The following CRTC1 variants were observed in gnomAD, a reference collection of about 807,000 sequenced individuals.
CRTC1 encodes CREB-regulated transcription coactivator 1.
Under a neutral mutation model 66.1 loss-of-function variants are expected in CRTC1, and 18 were observed. That is an observed-to-expected ratio of 0.27 (90% confidence interval 0.19 to 0.40). The LOEUF is 0.40. CRTC1 is among the 10% of genes least tolerant of loss of function. CRTC1 has a pLI of 1.00. For synonymous variants in CRTC1, 416 were observed against 398.8 expected (o/e 1.04, Z -0.51); for missense variants, 669 against 887.9 (o/e 0.75, Z 3.13).
chr19:18,744,895 T>C (rs2054196725), intron 2 of CRTC1, among the ~76,000 whole-genome samples: 1 of 152,172 alleles, frequency 6.6e-6, no homozygotes, highest in Non-Finnish European at 1.5e-5. Flanking sequence ...ATCCTAGCCA[T>C]GGACAGGCTT....
chr19:18,778,203 C>G lies in CRTC1; in HGVS notation c.*821C>G, dbSNP rs1353726447. 4.3e-6 allele frequency: 1 copy of G among 232,940 alleles called. No individual in the cohort carries two copies. Among genetic ancestry groups the G allele is most frequent in the Non-Finnish European group, 8.5e-6 (1 of 117,924 alleles). 14.4% of individuals were successfully genotyped at this position (232,940 alleles called of 1,614,324 possible). A position where few individuals can be genotyped will look rare whatever the true frequency, so the allele number is the denominator to read the frequency against. Reference sequence around the variant, plus strand: ...TGGGGCTTTACAATCCGTGGCCCCTCCTGTCCTGCACTGTGGTCACCGGTC... The same window carrying G: ...TGGGGCTTTACAATCCGTGGCCCCTGCTGTCCTGCACTGTGGTCACCGGTC... On this transcript the variant is annotated 3_prime_UTR_variant, in exon 14 of 14. Coordinates refer to ENST00000321949, the MANE Select transcript of CRTC1 (RefSeq NM_015321.3).
chr19:18,693,091 A>AG (rs951814690), intron 1 of CRTC1, among the ~76,000 whole-genome samples: 15 of 149,792 alleles, frequency 1.0e-4, no homozygotes, highest in African/African-American at 3.4e-4. Context: ...AAAAAAAAAA[A>AG]AAAGAAATTC....
intron 1 of CRTC1, among the ~76,000 whole-genome samples, chr19:18,739,493 C>T (rs988636184): frequency 1.3e-4 from 20 of 152,234 alleles, no homozygotes; most frequent in Admixed American, 1.2e-3. Context: ...GGTGCAGCAG[C>T]GTCCATTCAT....
At chr19:18,740,470 T>C (rs2145718605) in intron 1 of CRTC1, among the ~76,000 whole-genome samples, 1 of 152,288 alleles carries the variant, frequency 6.6e-6, no homozygotes, top group South Asian at 2.1e-4. Flanking sequence ...AACCTGTCTC[T>C]AGTCCCTCCA....
rs769959420 is a variant in CRTC1, at chr19:18,777,445, C to G, written c.*63C>G. The stretch of plus-strand genomic sequence containing the variant: ...CGGCGCCTCCCCAGCCCGGGGACGG[C>G]CGTGCTCCGTCCCTCGCCAACGGCC... On this transcript the variant is annotated 3_prime_UTR_variant, in exon 14 of 14. Transcript: ENST00000321949. This position sits in a 1 kb window ranked among gnomAD's most constrained non-coding sequence, Gnocchi z 5.5. 1 of 1,433,858 alleles carries G rather than the reference C, an allele frequency of 7.0e-7. No homozygotes were observed. The highest frequency in any genetic ancestry group is 1.7e-5 in the Admixed American group (1 of 59,462). The allele number at this position is 1,433,858 out of a possible 1,614,324, so 88.8% of individuals were successfully genotyped here. A position where few individuals can be genotyped will look rare whatever the true frequency, so the allele number is the denominator to read the frequency against.
At chr19:18,743,872 G>GCACC (rs1008368825) in intron 2 of CRTC1, among the ~76,000 whole-genome samples, 12 of 152,210 alleles carry the variant, frequency 7.9e-5, no homozygotes, top group Non-Finnish European at 1.8e-4. Context: ...TCCTGGCCAG[G>GCACC]TTTTCTCCCC....
chr19:18,726,118 G>T (rs911396723), intron 1 of CRTC1, among the ~76,000 whole-genome samples: 3 of 152,362 alleles, frequency 2.0e-5, no homozygotes, highest in Non-Finnish European at 4.4e-5. Flanking sequence ...ACATCTTTGC[G>T]CATAAATCTG....
chr19:18,762,398 C>A (rs1042103634), intron 8 of CRTC1, among the ~76,000 whole-genome samples: 8 of 152,224 alleles, frequency 5.3e-5, no homozygotes, highest in Non-Finnish European at 1.0e-4. Flanking sequence ...TTCTGGACGC[C>A]TTTTAAATCA....
At chr19:18,714,453 G>A (rs1181140569) in intron 1 of CRTC1, among the ~76,000 whole-genome samples, 2 of 152,152 alleles carry the variant, frequency 1.3e-5, no homozygotes, top group Middle Eastern at 3.4e-3. Context: ...GATTACAGGT[G>A]TGCACCACCA....
At chr19:18,764,030 C>T (rs2145822674) in intron 8 of CRTC1, among the ~76,000 whole-genome samples, 1 of 152,288 alleles carries the variant, frequency 6.6e-6, no homozygotes, top group East Asian at 1.9e-4. Context: ...CAGTCAACAG[C>T]ACCAGGCTTC....
rs1210257766 is a variant in CRTC1 at position 18,771,613 on chromosome 19, C to A, written c.1425+67C>A. ...TTGTCTTGTTCATGCCCCGTGTGTT[C>A]CCTGCCCACTGTCTGTCCTCATGCA... On this transcript the variant is annotated intron_variant, in intron 11 of 13. Coordinates refer to ENST00000321949, the MANE Select transcript of CRTC1 (RefSeq NM_015321.3). This position sits in a 1 kb window ranked among gnomAD's most constrained non-coding sequence, Gnocchi z 4.6. 5.7e-6 allele frequency: 7 copies of A among 1,218,016 alleles called. No homozygotes were observed. The East Asian group carries it at 1.5e-4, about 26-fold the overall frequency. 75.5% of individuals were successfully genotyped at this position (1,218,016 alleles called of 1,614,324 possible).
At chr19:18,703,566 G>A (rs1436027829) in intron 1 of CRTC1, among the ~76,000 whole-genome samples, 2 of 151,994 alleles carry the variant, frequency 1.3e-5, no homozygotes, top group Non-Finnish European at 2.9e-5. Context: ...AGGTTCAAGC[G>A]ATTCTGGTGT....
At chr19:18,722,773 C>T (rs1376147162) in intron 1 of CRTC1, among the ~76,000 whole-genome samples, 1 of 152,160 alleles carries the variant, frequency 6.6e-6, no homozygotes, top group African/African-American at 2.4e-5. Flanking sequence ...TAGTCACTCC[C>T]CATTTCCACT....
intron 1 of CRTC1, among the ~76,000 whole-genome samples, chr19:18,722,282 A>C (rs546493431): frequency 5.3e-5 from 8 of 152,336 alleles, no homozygotes; most frequent in African/African-American, 1.9e-4. Flanking sequence ...GGCCACAGGC[A>C]TGCCAGGTGC....
Position 18,766,804 on chromosome 19 carries a change from A to G in CRTC1, c.1011+1276A>G, listed in dbSNP as rs942077549. Among the ~76,000 whole-genome samples the G allele has an allele frequency of 3.5e-4, 54 of 152,142 alleles. 2 individuals carry two copies. The highest frequency in any genetic ancestry group is 1.3e-4 in the Admixed American group (2 of 15,270). On this transcript the variant is annotated intron_variant, in intron 9 of 13. Transcript: ENST00000321949. ...GCAAAGTTCCCATTTTCATTTTCTG[A>G]TTTTAGTAATTTGAATCTTCCCTCT...
At chr19:18,737,283 G>A (rs895368849) in intron 1 of CRTC1, among the ~76,000 whole-genome samples, 2 of 151,832 alleles carry the variant, frequency 1.3e-5, no homozygotes, top group African/African-American at 4.8e-5. Context: ...TTGTGTGAGG[G>A]GGTCCCGGCG....
At chr19:18,750,587 C>G (rs2054341812) in intron 5 of CRTC1, among the ~76,000 whole-genome samples, 1 of 152,254 alleles carries the variant, frequency 6.6e-6, no homozygotes, top group Admixed American at 6.5e-5. Context: ...CCCAGGGAAC[C>G]TGGTGTGGCC....
intron 1 of CRTC1, among the ~76,000 whole-genome samples, chr19:18,729,443 A>G (rs1156267776): frequency 6.7e-6 from 1 of 150,078 alleles, no homozygotes; most frequent in African/African-American, 2.5e-5. Flanking sequence ...AAAAAAGAAA[A>G]AAAAAAAGAA....
intron 1 of CRTC1, among the ~76,000 whole-genome samples, chr19:18,696,970 G>A (rs2053004720): frequency 6.6e-6 from 1 of 152,026 alleles, no homozygotes; most frequent in Non-Finnish European, 1.5e-5. Flanking sequence ...GGAGCTCATG[G>A]GATAGAACAC....
Sources: allele counts gnomAD v4.1 joint callset (sites outside exome capture counted in the v4.1 genomes callset), GRCh38; gene constraint gnomAD v4.1.1; non-coding constraint Gnocchi (gnomAD v3.1); transcripts MANE v1.5; gene names NCBI Gene and HGNC (gene_info 2026-07-23, HGNC 2026-07-21).